The following KCNT2 variants were observed in gnomAD, a reference collection of about 807,000 sequenced individuals.
The protein encoded by KCNT2 is potassium sodium-activated channel subfamily T member 2, also known as potassium channel subfamily T member 2.
In KCNT2, 67 loss-of-function variants were observed where a neutral mutation model predicts 153.8. The ratio of observed to expected loss-of-function variants is 0.44; its 90% CI spans 0.36 to 0.53. The LOEUF (loss-of-function observed/expected upper bound fraction) is 0.53. Among genes scored for constraint, KCNT2 ranks in the 20% least tolerant of loss-of-function variants. The pLI is 0.00. For synonymous variants in KCNT2, 500 were observed against 458.8 expected, an observed-to-expected ratio of 1.09 and a Z score of -1.15; for missense variants, 975 against 1,354.8, an observed-to-expected ratio of 0.72 and a Z score of 4.40.
chr1:196,453,637 C>A (rs1676406706), intron 8 of KCNT2, among the ~76,000 whole-genome samples: 1 of 151,894 alleles, frequency 6.6e-6, no homozygotes, highest in Admixed American at 6.6e-5. Flanking sequence ...GTCACTCAAC[C>A]TCTATAGTCA....
chr1:196,298,800 T>C (rs1435078073), intron 22 of KCNT2, among the ~76,000 whole-genome samples: 7 of 146,156 alleles, frequency 4.8e-5, no homozygotes, highest in Non-Finnish European at 1.0e-4. Context: ...TACCATAGCA[T>C]CTAGTATGGT....
chr1:196,436,763 A>G (rs965802413), intron 8 of KCNT2, among the ~76,000 whole-genome samples: 4 of 150,892 alleles, frequency 2.7e-5, no homozygotes, highest in African/African-American at 9.7e-5. Flanking sequence ...TACAAAATGT[A>G]CTCAAATACA....
chr1:196,281,789 C>G (rs1302500745), intron 24 of KCNT2, among the ~76,000 whole-genome samples: 1 of 149,670 alleles, frequency 6.7e-6, no homozygotes, highest in Admixed American at 6.7e-5. Context: ...TGGAGTCTTA[C>G]TCTGTTGCCC....
At chr1:196,373,696 A>G (rs1441847567) in intron 13 of KCNT2, among the ~76,000 whole-genome samples, 1 of 151,972 alleles carries the variant, frequency 6.6e-6, no homozygotes, top group East Asian at 1.9e-4. Context: ...ATGACACAGC[A>G]TAAATTTTAG....
At chr1:196,474,057 C>A (rs1678318657) in intron 5 of KCNT2, among the ~76,000 whole-genome samples, 1 of 151,874 alleles carries the variant, frequency 6.6e-6, no homozygotes, top group Admixed American at 6.6e-5. Flanking sequence ...TGACAGAATT[C>A]AATAAAATAT....
rs187252307 is a variant in KCNT2 at position 196,504,721 on chromosome 1, C to T, written c.96-12380G>A. 9.0e-4 allele frequency among the ~76,000 whole-genome samples: 137 copies of T among 152,230 alleles called. No individual in the cohort carries two copies. The East Asian group carries it at 0.023, about 26-fold the overall frequency. ...CACCAACAGTGTAAAAGTGTTCCTA[C>T]TTCTCCACATCCTCTCCAGCACCTG... On this transcript the variant is annotated intron_variant, in intron 1 of 27. Transcript: ENST00000294725.
intron 26 of KCNT2, among the ~76,000 whole-genome samples, chr1:196,246,920 A>G (rs6696031): frequency 0.99 from 150,255 of 152,234 alleles, 74,180 homozygotes; most frequent in Middle Eastern, 1. Flanking sequence ...AAATGTCGGA[A>G]TAAGTTGTTA....
chr1:196,482,358 G>A lies in KCNT2; in HGVS notation c.297C>T (p.Asn99=). 3 of 1,573,602 alleles carry A rather than the reference G, an allele frequency of 1.9e-6. No individual in the cohort carries two copies. The highest frequency in any genetic ancestry group is 2.6e-6 in the Non-Finnish European group (3 of 1,160,316). The change falls in exon 4 of 28, where the codon AAC becomes AAT. Residue 99 remains asparagine (N), a synonymous_variant. Coordinates refer to ENST00000294725, the MANE Select transcript of KCNT2 (RefSeq NM_198503.5). ...GNEWSHIFWV[N]RSLPLWGLQV... is the part of the protein sequence containing the mutation. Reference sequence around the variant, plus strand: ...GTAAGCCCCACAAAGGTAGACTTCTGTTCACCCAAAAGATATGAGACCTAT... The same window carrying A: ...GTAAGCCCCACAAAGGTAGACTTCTATTCACCCAAAAGATATGAGACCTAT...
intron 25 of KCNT2, among the ~76,000 whole-genome samples, chr1:196,273,146 G>GA (rs1321387276): frequency 6.6e-6 from 1 of 151,708 alleles, no homozygotes; most frequent in Non-Finnish European, 1.5e-5. Flanking sequence ...AAAAGCAAAA[G>GA]AAAACTAGTT....
At chr1:196,555,640 T>TA (rs956056173) in intron 1 of KCNT2, among the ~76,000 whole-genome samples, 4 of 150,770 alleles carry the variant, frequency 2.7e-5, no homozygotes, top group Admixed American at 2.0e-4. Context: ...TTCACAGAAA[T>TA]AAAAAAATAT....
chr1:196,460,118 G>T (rs138928868), intron 8 of KCNT2, among the ~76,000 whole-genome samples: 53 of 151,842 alleles, frequency 3.5e-4, no homozygotes, highest in African/African-American at 1.3e-3. Context: ...AAATTTGGGG[G>T]TTATATGGAG....
intron 7 of KCNT2, 96 bp from the exon 8 acceptor site, chr1:196,465,483 C>G (rs1677530990): frequency 5.5e-6 from 4 of 731,054 alleles, no homozygotes; most frequent in Non-Finnish European, 1.0e-5. Flanking sequence ...TGTCAACTCT[C>G]CTGTACACAT....
chr1:196,333,559 C>T (rs1425211024), intron 17 of KCNT2, among the ~76,000 whole-genome samples: 1 of 151,890 alleles, frequency 6.6e-6, no homozygotes, highest in Admixed American at 6.6e-5. Context: ...AAGCTTATAT[C>T]TTGGGAACAC....
intron 1 of KCNT2, among the ~76,000 whole-genome samples, chr1:196,539,220 T>G (rs1656011240): frequency 6.6e-6 from 1 of 152,192 alleles, no homozygotes; most frequent in Admixed American, 6.5e-5. Context: ...AAGAAAATAT[T>G]TTTCTTTTGG....
chr1:196,358,853 T>C (rs548396758), intron 14 of KCNT2, among the ~76,000 whole-genome samples: 264 of 152,022 alleles, frequency 1.7e-3, no homozygotes, highest in Non-Finnish European at 3.3e-3. Context: ...ACAAGAGCCA[T>C]ATTTCAAATT....
intron 12 of KCNT2, among the ~76,000 whole-genome samples, chr1:196,421,621 G>C (rs1296913996): frequency 1.3e-5 from 2 of 152,006 alleles, no homozygotes; most frequent in African/African-American, 4.8e-5. Flanking sequence ...GTGGGGAGCA[G>C]ATACTTTTTC....
At chr1:196,586,456 G>A (rs991111180) in intron 1 of KCNT2, among the ~76,000 whole-genome samples, 1 of 151,926 alleles carries the variant, frequency 6.6e-6, no homozygotes. Context: ...GGGAAAATTT[G>A]TTTGACACTA....
intron 1 of KCNT2, among the ~76,000 whole-genome samples, chr1:196,496,794 T>C (rs571502452): frequency 2.6e-5 from 4 of 152,098 alleles, no homozygotes; most frequent in Admixed American, 2.6e-4. Context: ...CAAACATCAA[T>C]ACTCATGCTA....
chr1:196,499,011 C>T (rs1680468964), intron 1 of KCNT2, among the ~76,000 whole-genome samples: 1 of 152,148 alleles, frequency 6.6e-6, no homozygotes, highest in Admixed American at 6.6e-5. Context: ...AGGGTGAGCC[C>T]TTAATCAAAT....
Sources: gnomAD v4.1 joint callset for allele counts (sites outside exome capture counted in the v4.1 genomes callset) on GRCh38, gnomAD v4.1.1 for gene constraint, MANE v1.5 for transcripts, NCBI Gene and HGNC (gene_info 2026-07-23, HGNC 2026-07-21) for gene names.